Variants in SGO2 observed in about 807,000 individuals in gnomAD.
The protein encoded by SGO2 is shugoshin 2.
SGO2 carries 68 observed loss-of-function variants against 99.5 expected under a neutral mutation model. That is an observed-to-expected ratio of 0.68 (90% CI 0.56 to 0.84). SGO2 has a LOEUF of 0.84. SGO2 is among the 40% of genes least tolerant of loss of function. The pLI, the probability that SGO2 is intolerant of heterozygous loss-of-function variation, is 0.00. For synonymous variants in SGO2, 457 were observed against 487.1 expected, an observed-to-expected ratio of 0.94 and a Z score of 0.81; for missense variants, 1,350 against 1,436.7, an observed-to-expected ratio of 0.94 and a Z score of 0.97.
chr2:200,543,463 G>A (rs1421469409), intron 5 of SGO2: 1 of 152,180 alleles, frequency 6.6e-6, no homozygotes, highest in Non-Finnish European at 1.5e-5. Context: ...CAAAATGATT[G>A]AATGAATTGA....
chr2:200,548,498 C>T (rs187896666), intron 5 of SGO2, among the ~76,000 whole-genome samples: 4 of 151,774 alleles, frequency 2.6e-5, no homozygotes, highest in Admixed American at 1.3e-4. Context: ...GCAATAAATG[C>T]GTATATCAAA....
At chr2:200,543,523 A>T (rs1370322527) in intron 5 of SGO2, 2 of 152,224 alleles carry the variant, frequency 1.3e-5, no homozygotes, top group African/African-American at 2.4e-5. Context: ...TCTTTCTATT[A>T]TATATAACAT....
intron 4 of SGO2, among the ~76,000 whole-genome samples, chr2:200,539,995 GT>G (rs1330357055): frequency 6.7e-6 from 1 of 150,010 alleles, no homozygotes; most frequent in Non-Finnish European, 1.5e-5. Flanking sequence ...CGGTTTTGCT[GT>G]TGAGCCCATT....
chr2:200,572,030 C>G lies in SGO2; in HGVS notation c.1684C>G (p.Leu562Val), dbSNP rs964482427. ...GGATAAAGTAACCATTTATGAAAAC[C>G]TAGACGTCACAAATGAATTTCACAC... Reference protein sequence around the residue: ...QKDKVTIYENLDVTNEFHTAN... With the variant: ...QKDKVTIYENVDVTNEFHTAN... Residue 562 changes from leucine (L) to valine (V), a missense_variant, in exon 7 of 9, where the codon CTA becomes GTA. By Grantham distance (32) the Leu-to-Val change is conservative (BLOSUM62 1). Coordinates refer to ENST00000357799, the MANE Select transcript of SGO2 (RefSeq NM_152524.6). 8.7e-6 allele frequency: 14 copies of G among 1,613,040 alleles called. No individual in the cohort carries two copies. Among genetic ancestry groups the G allele is most frequent in the African/African-American group, 2.7e-5 (2 of 74,848 alleles).
intron 5 of SGO2, among the ~76,000 whole-genome samples, chr2:200,547,597 T>C (rs1360234781): frequency 1.3e-5 from 2 of 152,154 alleles, no homozygotes; most frequent in African/African-American, 4.8e-5. Context: ...TATAAAAATA[T>C]GTAAATTGAT....
rs201156013 is a variant in SGO2 at position 200,572,784 on chromosome 2, G to A, written c.2438G>A (p.Cys813Tyr). ...GGTAAGAAGCCTAGACTAAATGTATGTCAAAAGTCAGAAATAATTCCTGAA... is the reference window on the plus strand; with the variant it reads ...GGTAAGAAGCCTAGACTAAATGTATATCAAAAGTCAGAAATAATTCCTGAA... ...KIGKKPRLNV[C>Y]QKSEIIPETN... The change falls in exon 7 of 9, where the codon TGT (cysteine) becomes TAT (tyrosine). Residue 813 changes from cysteine to tyrosine, a missense_variant. Cys to Tyr is a radical substitution (Grantham distance 194). Transcript: ENST00000357799. The A allele has an allele frequency of 1.5e-4, 239 of 1,612,744 alleles. 1 individual carries two copies. The African/African-American group carries it at 2.8e-3, about 19-fold the overall frequency.
In SGO2 at chr2:200,570,075, C is replaced by T; in HGVS notation, c.703+183C>T. The T allele has an allele frequency of 3.6e-6, 2 of 549,616 alleles. No homozygotes were observed. Among genetic ancestry groups the T allele is most frequent in the Non-Finnish European group, 3.2e-6 (1 of 312,922 alleles). The allele number at this position is 549,616 out of a possible 1,614,324, so 34.0% of individuals were successfully genotyped here. On this transcript the variant is annotated intron_variant, in intron 6 of 8. Transcript: ENST00000357799. This position sits in a 1 kb window ranked among gnomAD's most constrained non-coding sequence, Gnocchi z 4.4. ...ATTTTAAAGTAAATATGCTGACAAACATCACACCCACAGTGGCCTAATACT... is the reference window on the plus strand; with the variant it reads ...ATTTTAAAGTAAATATGCTGACAAATATCACACCCACAGTGGCCTAATACT...
intron 4 of SGO2, among the ~76,000 whole-genome samples, chr2:200,537,851 C>T (rs2031765012): frequency 6.6e-6 from 1 of 152,120 alleles, no homozygotes; most frequent in Admixed American, 6.6e-5. Context: ...TTCACATTTG[C>T]CACCAAACCA....
intron 5 of SGO2, among the ~76,000 whole-genome samples, chr2:200,543,905 A>G (rs2032083569): frequency 6.6e-6 from 1 of 152,188 alleles, no homozygotes; most frequent in Admixed American, 6.5e-5. Context: ...AACATGGTGG[A>G]TTTTCACCAA....
chr2:200,575,787 AT>A (rs1559220717), intron 8 of SGO2, among the ~76,000 whole-genome samples: 3 of 152,078 alleles, frequency 2.0e-5, no homozygotes, highest in Non-Finnish European at 2.9e-5. Context: ...TTGTTACCCC[AT>A]TTGTTTATTT....
rs369656560 is a variant in SGO2 at position 200,558,687 on chromosome 2, G to A, written c.474-10976G>A. 1.6e-3 allele frequency among the ~76,000 whole-genome samples: 236 copies of A among 145,316 alleles called. 2 individuals carry two copies. The highest frequency in any genetic ancestry group is 5.5e-3 in the African/African-American group (217 of 39,258). On this transcript the variant is annotated intron_variant, in intron 5 of 8. Transcript: ENST00000357799. ...GCCGGTCACTGTAAATGAATTAAGTGCACCTCTTTTTCTGTTTTATGGCAG... is the reference window on the plus strand; with the variant it reads ...GCCGGTCACTGTAAATGAATTAAGTACACCTCTTTTTCTGTTTTATGGCAG...
Position 200,571,795 on chromosome 2 carries a change from CAG to C in SGO2, c.1453_1454del (p.Glu485LysfsTer5), listed in dbSNP as rs1057519602. 3 of 1,613,284 alleles carry C rather than the reference CAG, an allele frequency of 1.9e-6. No individual in the cohort carries two copies. Among genetic ancestry groups the C allele is most frequent in the African/African-American group, 1.3e-5 (1 of 74,804 alleles). ...TLQTGFEQGD[R>X]ENVLCNKKEK... ...TTCAAACTGGCTTTGAACAAGGTGACAGAGAAAATGTACTGTGTAATAAAAAG... is the reference window on the plus strand; with the variant it reads ...TTCAAACTGGCTTTGAACAAGGTGACAGAAAATGTACTGTGTAATAAAAAG... On this transcript the variant is annotated frameshift_variant, in exon 7 of 9. Coordinates refer to ENST00000357799, the MANE Select transcript of SGO2 (RefSeq NM_152524.6). LOFTEE classifies it high-confidence loss of function.
intron 5 of SGO2, among the ~76,000 whole-genome samples, chr2:200,561,419 A>C (rs766222238): frequency 2.6e-4 from 40 of 152,304 alleles, no homozygotes; most frequent in South Asian, 2.1e-3. Flanking sequence ...GTATATGTGC[A>C]CATTTTCTTA....
intron 5 of SGO2, among the ~76,000 whole-genome samples, chr2:200,557,686 G>A (rs2106329290): frequency 6.6e-6 from 1 of 152,096 alleles, no homozygotes. Context: ...TTTGGATATT[G>A]ACCTTGTTTC....
rs537970048 is a variant in SGO2, at chr2:200,536,326, A to T, written c.387+184A>T. On this transcript the variant is annotated intron_variant, in intron 4 of 8. Transcript: ENST00000357799. ...TGTATAATTGGTTATTGAAAATGTC[A>T]TATGAAAATTAGGTTTTTATTAAAA... 2.5e-4 allele frequency among the ~76,000 whole-genome samples: 38 copies of T among 152,272 alleles called. No individual in the cohort carries two copies. In the South Asian group the frequency reaches 6.4e-3, roughly 26 times the overall value.
rs117868010 is a variant in SGO2, at chr2:200,531,368, C to T, written c.-2-1606C>T. Among the ~76,000 whole-genome samples, 7 of 152,130 alleles carry T rather than the reference C, an allele frequency of 4.6e-5. No homozygotes were observed. The East Asian group carries it at 1.4e-3, about 29-fold the overall frequency. ...AGTGAAGGGAAAGGGGTAATAGAGT[C>T]TAGTGACAGTATATTCAAGGATGGG... is the stretch of plus-strand genomic sequence containing the variant. On this transcript the variant is annotated intron_variant, in intron 1 of 8. Coordinates refer to ENST00000357799, the MANE Select transcript of SGO2 (RefSeq NM_152524.6).
intron 5 of SGO2, among the ~76,000 whole-genome samples, chr2:200,555,040 TC>T (rs1418341415): frequency 1.3e-5 from 2 of 152,176 alleles, no homozygotes; most frequent in African/African-American, 4.8e-5. Flanking sequence ...GATTAATTTT[TC>T]ACAAACCTCC....
intron 5 of SGO2, 30 bp downstream of exon 5, chr2:200,542,694 A>T: frequency 6.5e-7 from 1 of 1,547,818 alleles, no homozygotes; most frequent in Non-Finnish European, 8.9e-7. Context: ...ACACTAGTTC[A>T]GAGTATATAG....
At chr2:200,546,915 T>A (rs1436248076) in intron 5 of SGO2, among the ~76,000 whole-genome samples, 5 of 152,080 alleles carry the variant, frequency 3.3e-5, no homozygotes, top group Non-Finnish European at 2.9e-5. Context: ...TATTAGTGTT[T>A]AAGAGAGAGC....
Sources: gnomAD v4.1 joint callset for allele counts (sites outside exome capture counted in the v4.1 genomes callset) on GRCh38, gnomAD v4.1.1 for gene constraint, Gnocchi (gnomAD v3.1) non-coding constraint, MANE v1.5 for transcripts, NCBI Gene and HGNC (gene_info 2026-07-23, HGNC 2026-07-21) for gene names.